CSGALNACT1: variants seen among roughly 807,000 people sequenced by gnomAD.
The protein encoded by CSGALNACT1 is chondroitin sulfate N-acetylgalactosaminyltransferase 1.
CSGALNACT1 carries 52 observed loss-of-function variants against 51.0 expected under a neutral mutation model. The observed-to-expected ratio is 1.02, with a 90% CI of 0.82 to 1.29. The LOEUF (loss-of-function observed/expected upper bound fraction) is 1.29. Among genes scored for constraint, CSGALNACT1 ranks in the 50% most tolerant of loss-of-function variants. The pLI is 0.00. For missense variants in CSGALNACT1, 935 were observed against 679.2 expected (o/e 1.38, Z -4.19); for synonymous variants, 341 against 254.4 (o/e 1.34, Z -3.24).
chr8:19,536,287 G>A (rs576478928), intron 3 of CSGALNACT1, among the ~76,000 whole-genome samples: 1 of 152,038 alleles, frequency 6.6e-6, no homozygotes, highest in Admixed American at 6.6e-5. Context: ...AGGGGTATAT[G>A]GAAAATCTTT....
intron 1 of CSGALNACT1, among the ~76,000 whole-genome samples, chr8:19,630,083 C>G (rs1163353882): frequency 6.6e-6 from 1 of 152,074 alleles, no homozygotes; most frequent in Non-Finnish European, 1.5e-5. Flanking sequence ...GGCCTCTACC[C>G]ATCCAGGCCA....
intron 1 of CSGALNACT1, among the ~76,000 whole-genome samples, chr8:19,627,043 T>C (rs1412399351): frequency 2.0e-5 from 3 of 152,234 alleles, no homozygotes; most frequent in African/African-American, 4.8e-5. Flanking sequence ...TCAGCAGTCA[T>C]ACCCTTGGGT....
At chr8:19,416,762 T>C (rs997976893) in intron 8 of CSGALNACT1, among the ~76,000 whole-genome samples, 13 of 152,226 alleles carry the variant, frequency 8.5e-5, no homozygotes, top group South Asian at 2.1e-4. Context: ...TTATGTAGGA[T>C]TGCATAAGTG....
At chr8:19,547,921 T>A (rs1249701718) in intron 3 of CSGALNACT1, among the ~76,000 whole-genome samples, 8 of 152,166 alleles carry the variant, frequency 5.3e-5, no homozygotes, top group African/African-American at 1.9e-4. Flanking sequence ...AGGGGGTTGG[T>A]AGTTATTGAT....
intron 1 of CSGALNACT1, among the ~76,000 whole-genome samples, chr8:19,704,431 T>C (rs2062046801): frequency 6.6e-6 from 1 of 152,204 alleles, no homozygotes; most frequent in Non-Finnish European, 1.5e-5. Flanking sequence ...ATATCAAGTG[T>C]TGTCGAGGAC....
intron 3 of CSGALNACT1, among the ~76,000 whole-genome samples, chr8:19,510,491 T>C (rs867726667): frequency 1.7e-4 from 26 of 152,320 alleles, no homozygotes; most frequent in Admixed American, 6.5e-4. Context: ...GCACTTAGTA[T>C]GTTCAATGCA....
chr8:19,561,446 G>C (rs1467772302), intron 3 of CSGALNACT1, among the ~76,000 whole-genome samples: 3 of 152,188 alleles, frequency 2.0e-5, no homozygotes, highest in Non-Finnish European at 4.4e-5. Flanking sequence ...AATGGTGGAG[G>C]TTGTTTCCTA....
chr8:19,491,658 CATG>C (rs2074385147), intron 4 of CSGALNACT1, among the ~76,000 whole-genome samples: 1 of 152,174 alleles, frequency 6.6e-6, no homozygotes, highest in African/African-American at 2.4e-5. Flanking sequence ...ATGTATCTTT[CATG>C]ATGTTTGCTT....
chr8:19,744,094 A>C (rs2064492227), intron 1 of CSGALNACT1, among the ~76,000 whole-genome samples: 1 of 152,244 alleles, frequency 6.6e-6, no homozygotes, highest in East Asian at 1.9e-4. Context: ...AAAACTCTTT[A>C]ATATTTAACA....
chr8:19,593,004 T>C (rs1318367211), intron 2 of CSGALNACT1, among the ~76,000 whole-genome samples: 1 of 152,226 alleles, frequency 6.6e-6, no homozygotes, highest in East Asian at 1.9e-4. Context: ...CTTATCCAGA[T>C]ATAACAGCAT....
At chr8:19,636,240 T>C (rs2056047050) in intron 1 of CSGALNACT1, among the ~76,000 whole-genome samples, 1 of 152,216 alleles carries the variant, frequency 6.6e-6, no homozygotes, top group South Asian at 2.1e-4. Flanking sequence ...TTACAGTATA[T>C]TGTTATAACT....
Position 19,513,436 on chromosome 8 carries a change from C to CTCTCTCTCTA in CSGALNACT1, c.-296-7307_-296-7306insTAGAGAGAGA. ...TCTCACTCTCTCTCTCTCTCTCTCT[C>CTCTCTCTCTA]TATATATATATATATATATATATAT... On this transcript the variant is annotated intron_variant, in intron 3 of 9. Coordinates refer to ENST00000454498, the Ensembl canonical transcript of CSGALNACT1. Among the ~76,000 whole-genome samples, 272 of 81,966 alleles carry CTCTCTCTCTA rather than the reference C, an allele frequency of 3.3e-3. 3 individuals carry two copies. Among genetic ancestry groups the CTCTCTCTCTA allele is most frequent in the East Asian group, 0.01 (13 of 1,264 alleles). The allele number at this position is 81,966 out of a possible 152,430, so 53.8% of individuals were successfully genotyped here. A position where few individuals can be genotyped will look rare whatever the true frequency, so the allele number is the denominator to read the frequency against.
In CSGALNACT1 at chr8:19,571,659, AT is replaced by A. The variant is rs1245343205; in HGVS notation, c.-297+19500del. ...GTTACCAATATCTGAAAAAAATTAT[AT>A]TGGAAAGTCACAGAGAAAGGCATTA... On this transcript the variant is annotated intron_variant, in intron 3 of 9. Transcript: ENST00000454498. 2.0e-5 allele frequency among the ~76,000 whole-genome samples: 3 copies of A among 152,324 alleles called. No homozygotes were observed. The East Asian group carries it at 5.8e-4, about 29-fold the overall frequency.
chr8:19,493,242 C>T (rs1276588808), intron 4 of CSGALNACT1, among the ~76,000 whole-genome samples: 1 of 152,192 alleles, frequency 6.6e-6, no homozygotes, highest in Non-Finnish European at 1.5e-5. Context: ...GCTCTTCGGT[C>T]ACCTCAACTA....
chr8:19,418,290 T>C (rs1585533437), intron 8 of CSGALNACT1, among the ~76,000 whole-genome samples: 1 of 152,132 alleles, frequency 6.6e-6, no homozygotes, highest in African/African-American at 2.4e-5. Flanking sequence ...CCCATTCTGA[T>C]TTCTGTCAAA....
chr8:19,462,436 T>G (rs1437960693), intron 4 of CSGALNACT1, among the ~76,000 whole-genome samples: 3 of 152,150 alleles, frequency 2.0e-5, no homozygotes, highest in Non-Finnish European at 2.9e-5. Context: ...AAAATACAGA[T>G]AGCAATATAC....
In CSGALNACT1 at chr8:19,637,028, T is replaced by TA. The variant is rs112446820; in HGVS notation, c.-543-35164dup. On this transcript the variant is annotated intron_variant, in intron 1 of 9. Coordinates refer to the CSGALNACT1 transcript ENST00000332246. ...AACATGGAGAAACCCTGTTCTCTACTAAAAAAAAAAAAAATAGAACAATTA... is the reference window on the plus strand; with the variant it reads ...AACATGGAGAAACCCTGTTCTCTACTAAAAAAAAAAAAAAATAGAACAATTA... Among the ~76,000 whole-genome samples the TA allele has an allele frequency of 4.9e-3, 708 of 144,094 alleles. 1 individual carries two copies. The highest frequency in any genetic ancestry group is 0.011 in the African/African-American group (444 of 39,366). 94.5% of individuals were successfully genotyped at this position (144,094 alleles called of 152,430 possible). A position where few individuals can be genotyped will look rare whatever the true frequency, so the allele number is the denominator to read the frequency against.
intron 1 of CSGALNACT1, among the ~76,000 whole-genome samples, chr8:19,680,693 G>C (rs919690989): frequency 1.3e-5 from 2 of 151,866 alleles, no homozygotes; most frequent in African/African-American, 4.8e-5. Flanking sequence ...GTAGTCATGT[G>C]TCACCGAATG....
intron 4 of CSGALNACT1, among the ~76,000 whole-genome samples, chr8:19,475,363 T>C (rs1418330325): frequency 3.3e-5 from 5 of 152,190 alleles, no homozygotes; most frequent in Non-Finnish European, 7.3e-5. Flanking sequence ...TTGGGGTCTG[T>C]TTGGATCTTG....
Sources: gnomAD v4.1 joint callset for allele counts (sites outside exome capture counted in the v4.1 genomes callset) on GRCh38, gnomAD v4.1.1 for gene constraint, MANE v1.5 for transcripts, NCBI Gene and HGNC (gene_info 2026-07-23, HGNC 2026-07-21) for gene names.